WTAP: variants seen among roughly 807,000 people sequenced by gnomAD.
WTAP encodes WT1 associated protein, also known as pre-mRNA-splicing regulator WTAP.
WTAP carries 8 observed loss-of-function variants against 50.0 expected under a neutral mutation model. The observed-to-expected ratio is 0.16, with a 90% CI of 0.09 to 0.29. WTAP has a LOEUF of 0.29. WTAP is among the 10% of genes least tolerant of loss of function. The pLI is 1.00. For missense variants in WTAP, 295 were observed against 470.7 expected (o/e 0.63, Z 3.45); for synonymous variants, 194 against 169.0 (o/e 1.15, Z -1.15).
intron 2 of WTAP, chr6:159,736,536 A>G: frequency 5.2e-6 from 2 of 382,428 alleles, no homozygotes; most frequent in African/African-American, 2.1e-5. Context: ...TAATATTCCC[A>G]TGGTCTACTC....
intron 6 of WTAP, chr6:159,749,259 T>G (rs1272085943): frequency 1.0e-6 from 1 of 985,834 alleles, no homozygotes; most frequent in Non-Finnish European, 1.2e-6. Context: ...TGAGACTCAC[T>G]GCATTATTTT....
chr6:159,754,534 T>C (rs931943619), intron 7 of WTAP, among the ~76,000 whole-genome samples: 7 of 152,000 alleles, frequency 4.6e-5, no homozygotes, highest in South Asian at 4.1e-4. Context: ...TTGCCCTCGG[T>C]ATCCATGGTG....
upstream of WTAP, chr6:159,727,027 G>A (rs1160188507): frequency 7.3e-6 from 9 of 1,233,810 alleles, no homozygotes; most frequent in African/African-American, 1.6e-5. Context: ...CCCCGCAGCC[G>A]CAGGTGGCCC....
intron 1 of WTAP, among the ~76,000 whole-genome samples, chr6:159,735,546 C>G (rs956625610): frequency 6.6e-6 from 1 of 152,080 alleles, no homozygotes; most frequent in African/African-American, 2.4e-5. Context: ...GTCAGGAGTT[C>G]GAGACCAGCC....
In WTAP at chr6:159,748,987, A is replaced by G. The variant is rs1779721354; in HGVS notation, c.452+618A>G. The G allele has an allele frequency of 9.6e-7, 1 of 1,036,780 alleles. No individual in the cohort carries two copies. Among genetic ancestry groups the G allele is most frequent in the Admixed American group, 5.6e-5 (1 of 17,794 alleles). 64.2% of individuals were successfully genotyped at this position (1,036,780 alleles called of 1,614,324 possible). On this transcript the variant is annotated intron_variant, in intron 6 of 7. Coordinates refer to ENST00000621533, the MANE Select transcript of WTAP (RefSeq NM_001270531.2). The surrounding 1 kb of genome is among the most constrained non-coding windows in gnomAD (Gnocchi z 5.6). ...TGCTGAGAACCAACTTTCAATAGTCATGAGAGAATCAAATAATAGATGTCC... is the reference window on the plus strand; with the variant it reads ...TGCTGAGAACCAACTTTCAATAGTCGTGAGAGAATCAAATAATAGATGTCC...
chr6:159,745,993 A>C (rs1484945097), intron 5 of WTAP, among the ~76,000 whole-genome samples: 1 of 152,220 alleles, frequency 6.6e-6, no homozygotes, highest in Non-Finnish European at 1.5e-5. Context: ...ACTAGGATAG[A>C]TCCTACAAAG....
At chr6:159,749,499 G>A in intron 6 of WTAP, 3 of 944,730 alleles carry the variant, frequency 3.2e-6, no homozygotes, top group South Asian at 9.8e-5. Context: ...AATTTGGGGC[G>A]GGGAGGGCCT....
At chr6:159,741,081 G>T (rs978487676) in intron 3 of WTAP, among the ~76,000 whole-genome samples, 3 of 152,116 alleles carry the variant, frequency 2.0e-5, no homozygotes, top group Non-Finnish European at 4.4e-5. Flanking sequence ...TTAATTAATT[G>T]TACCTGAAGA....
intron 7 of WTAP, among the ~76,000 whole-genome samples, chr6:159,754,611 T>G (rs1289161341): frequency 6.6e-6 from 1 of 152,228 alleles, no homozygotes; most frequent in Non-Finnish European, 1.5e-5. Context: ...CATATAAACC[T>G]ATGTACATCT....
intron 7 of WTAP, among the ~76,000 whole-genome samples, chr6:159,754,578 C>T (rs1485515550): frequency 6.6e-6 from 1 of 152,162 alleles, no homozygotes; most frequent in Non-Finnish European, 1.5e-5. Flanking sequence ...GTAAGCCCCT[C>T]ATATAAAATG....
At chr6:159,729,312 T>A (rs1778421173) in intron 1 of WTAP, among the ~76,000 whole-genome samples, 1 of 152,240 alleles carries the variant, frequency 6.6e-6, no homozygotes, top group African/African-American at 2.4e-5. Flanking sequence ...TTCTTGTTTT[T>A]AATTTTTTTA....
chr6:159,745,784 A>T (rs1011505020), intron 5 of WTAP, among the ~76,000 whole-genome samples: 1 of 152,188 alleles, frequency 6.6e-6, no homozygotes, highest in Non-Finnish European at 1.5e-5. Flanking sequence ...TTTAAGCAGG[A>T]AAACCAATTG....
At chr6:159,741,108 G>T (rs1432848072) in intron 3 of WTAP, among the ~76,000 whole-genome samples, 1 of 152,116 alleles carries the variant, frequency 6.6e-6, no homozygotes, top group African/African-American at 2.4e-5. Flanking sequence ...TGAAAACATG[G>T]CTCTTAAGTA....
intron 3 of WTAP, among the ~76,000 whole-genome samples, chr6:159,741,245 A>G (rs1779239006): frequency 6.6e-6 from 1 of 152,194 alleles, no homozygotes; most frequent in Admixed American, 6.5e-5. Flanking sequence ...TATAATGAAG[A>G]ACAACGGTCC....
intron 3 of WTAP, chr6:159,741,475 A>G (rs1779251266): frequency 6.6e-6 from 1 of 152,196 alleles, no homozygotes; most frequent in Admixed American, 6.5e-5. Flanking sequence ...CTTTTGTTCT[A>G]AGTGGACAAC....
chr6:159,739,796 G>A (rs1562457943), intron 3 of WTAP, among the ~76,000 whole-genome samples: 1 of 138,292 alleles, frequency 7.2e-6, no homozygotes, highest in Non-Finnish European at 1.5e-5. Flanking sequence ...CCTTTGGACA[G>A]CTACTGTATT....
At chr6:159,744,331 A>C (rs142108718) in intron 5 of WTAP, among the ~76,000 whole-genome samples, 6 of 152,350 alleles carry the variant, frequency 3.9e-5, no homozygotes, top group African/African-American at 1.4e-4. Flanking sequence ...GTTTAGGCTC[A>C]ATCTTACGGT....
At chr6:159,743,923 C>A in intron 5 of WTAP, 131 bp downstream of exon 5, 1 of 1,019,468 alleles carries the variant, frequency 9.8e-7, no homozygotes, top group Non-Finnish European at 1.3e-6. Context: ...ATGCTTTGAG[C>A]TTTAAGAATA....
At chr6:159,746,725 T>C (rs572077309) in intron 5 of WTAP, among the ~76,000 whole-genome samples, 2 of 152,368 alleles carry the variant, frequency 1.3e-5, no homozygotes, top group African/African-American at 4.8e-5. Context: ...GTGGTATTTC[T>C]GTTTTTCATT....
Sources: gnomAD v4.1 joint callset for allele counts (sites outside exome capture counted in the v4.1 genomes callset) on GRCh38, gnomAD v4.1.1 for gene constraint, Gnocchi (gnomAD v3.1) non-coding constraint, MANE v1.5 for transcripts, NCBI Gene and HGNC (gene_info 2026-07-23, HGNC 2026-07-21) for gene names.